Variants in BACH2 observed in about 807,000 individuals in gnomAD.
BACH2 encodes BACH transcriptional regulator 2, also known as transcription regulator protein BACH2.
In BACH2, 5 loss-of-function variants were observed where a neutral mutation model predicts 61.8. The ratio of observed to expected loss-of-function variants is 0.08; its 90% CI spans 0.04 to 0.17. The LOEUF is 0.17. BACH2 is among the 10% of genes least tolerant of loss of function. BACH2 has a pLI of 1.00. For synonymous variants in BACH2, 446 were observed against 440.1 expected (o/e 1.01, Z -0.17); for missense variants, 824 against 1,091.1 (o/e 0.76, Z 3.45).
intron 4 of BACH2, among the ~76,000 whole-genome samples, chr6:90,148,703 C>A (rs936467501): frequency 6.6e-6 from 1 of 152,142 alleles, no homozygotes; most frequent in Non-Finnish European, 1.5e-5. Context: ...CACACACACA[C>A]GCATACACGC....
At chr6:90,055,082 G>A (rs575273996) in intron 5 of BACH2, among the ~76,000 whole-genome samples, 1 of 152,322 alleles carries the variant, frequency 6.6e-6, no homozygotes, top group African/African-American at 2.4e-5. Context: ...TCCTTCAAAG[G>A]AACACAGCTC....
intron 4 of BACH2, among the ~76,000 whole-genome samples, chr6:90,121,972 A>G (rs1387254223): frequency 2.0e-5 from 3 of 152,158 alleles, no homozygotes; most frequent in Non-Finnish European, 4.4e-5. Flanking sequence ...TATTGGTAAG[A>G]CTGTTTTAAC....
chr6:90,198,672 C>G (rs964109764), intron 4 of BACH2, among the ~76,000 whole-genome samples: 4 of 152,198 alleles, frequency 2.6e-5, no homozygotes, highest in African/African-American at 9.6e-5. Context: ...AGTGGGTGCA[C>G]AGAGTCTCAG....
At position 90,065,128 on chromosome 6, in the gene BACH2, GA is replaced by G. The variant is rs540647624; in HGVS notation, c.-13+23832del. ...AACGTAAGGTAAGCAGAAACTTGGA[GA>G]AAAAAAAAAAAGCCTATACATTGAT... is the stretch of plus-strand genomic sequence containing the variant. On this transcript the variant is annotated intron_variant, in intron 5 of 8. Transcript: ENST00000257749. Among the ~76,000 whole-genome samples, 1,289 of 134,926 alleles carry G rather than the reference GA, an allele frequency of 9.6e-3. 10 individuals are homozygous for G. Among genetic ancestry groups the G allele is most frequent in the African/African-American group, 0.026 (971 of 36,818 alleles). 88.5% of individuals were successfully genotyped at this position (134,926 alleles called of 152,430 possible).
chr6:90,062,998 T>C, intron 5 of BACH2: 2 of 893,168 alleles, frequency 2.2e-6, no homozygotes, highest in Non-Finnish European at 2.7e-6. Flanking sequence ...TACAACCAGA[T>C]GTATAGGGAA....
At position 89,980,601 on chromosome 6, in the gene BACH2, G is replaced by A. The variant is rs372598508; in HGVS notation, c.243+28001C>T. 1.2e-4 allele frequency among the ~76,000 whole-genome samples: 19 copies of A among 152,302 alleles called. 1 individual carries two copies. Among genetic ancestry groups the A allele is most frequent in the African/African-American group, 4.6e-4 (19 of 41,570 alleles). On this transcript the variant is annotated intron_variant, in intron 6 of 8. Transcript: ENST00000257749. ...CTCAGTGGCCACCATCTAGAGGGAGGAGAAGGGCTAGGTGTGGTTTTTCTT... is the reference window on the plus strand; with the variant it reads ...CTCAGTGGCCACCATCTAGAGGGAGAAGAAGGGCTAGGTGTGGTTTTTCTT...
intron 6 of BACH2, among the ~76,000 whole-genome samples, chr6:89,998,328 G>A (rs1025019253): frequency 2.6e-5 from 4 of 152,066 alleles, no homozygotes; most frequent in African/African-American, 9.7e-5. Context: ...AACAGCCTTC[G>A]CCAGGCTGCA....
chr6:90,233,708 T>G (rs568086827), intron 3 of BACH2, among the ~76,000 whole-genome samples: 2 of 152,202 alleles, frequency 1.3e-5, no homozygotes, highest in African/African-American at 4.8e-5. Context: ...ATTATGTTAT[T>G]ATAATTCTTT....
chr6:90,219,583 G>A (rs1268733612), intron 3 of BACH2, among the ~76,000 whole-genome samples: 1 of 152,164 alleles, frequency 6.6e-6, no homozygotes. Flanking sequence ...CATTAAGAAT[G>A]CACAGCTGTA....
At chr6:90,150,757 TG>T (rs1784786246) in intron 4 of BACH2, among the ~76,000 whole-genome samples, 1 of 152,158 alleles carries the variant, frequency 6.6e-6, no homozygotes, top group Non-Finnish European at 1.5e-5. Flanking sequence ...GGAATGGGCA[TG>T]CCTTACTTAG....
At chr6:90,218,304 G>A (rs548587486) in intron 3 of BACH2, 1 of 152,282 alleles carries the variant, frequency 6.6e-6, no homozygotes, top group South Asian at 2.1e-4. Flanking sequence ...TTTAAACAGA[G>A]GCAAGCTGCT....
chr6:89,947,371 C>T (rs947529637), intron 7 of BACH2, among the ~76,000 whole-genome samples: 2 of 152,114 alleles, frequency 1.3e-5, no homozygotes, highest in African/African-American at 4.8e-5. Flanking sequence ...ATGGCAAGTC[C>T]CTGAGACAGT....
intron 3 of BACH2, among the ~76,000 whole-genome samples, chr6:90,230,467 G>A (rs983810996): frequency 6.6e-6 from 1 of 152,192 alleles, no homozygotes; most frequent in Non-Finnish European, 1.5e-5. Context: ...AATATAAGCT[G>A]AGCTGATGCT....
chr6:90,211,403 G>A (rs1769344617), intron 3 of BACH2, among the ~76,000 whole-genome samples: 1 of 151,974 alleles, frequency 6.6e-6, no homozygotes, highest in Admixed American at 6.6e-5. Context: ...TCAGCAAATG[G>A]GAGTTGGAGA....
chr6:90,183,605 A>C (rs1386935698), intron 4 of BACH2, among the ~76,000 whole-genome samples: 2 of 152,244 alleles, frequency 1.3e-5, no homozygotes, highest in African/African-American at 4.8e-5. Context: ...AGCATTTGGC[A>C]AATCTATTTC....
intron 4 of BACH2, among the ~76,000 whole-genome samples, chr6:90,189,775 G>C (rs1021877674): frequency 1.2e-4 from 19 of 152,180 alleles, no homozygotes; most frequent in Non-Finnish European, 1.0e-4. Context: ...TGAGCAATAG[G>C]GATCTTGCTT....
chr6:89,942,699 T>C (rs1428805389), intron 7 of BACH2, among the ~76,000 whole-genome samples: 1 of 152,108 alleles, frequency 6.6e-6, no homozygotes, highest in East Asian at 1.9e-4. Context: ...CGCCACTCTT[T>C]AGCCAGGGGT....
chr6:90,212,757 CAAG>C (rs1259772979), intron 3 of BACH2, among the ~76,000 whole-genome samples: 3 of 151,972 alleles, frequency 2.0e-5, no homozygotes, highest in Admixed American at 2.0e-4. Context: ...GAGGAGGAAA[CAAG>C]AGGATTATAA....
At chr6:90,121,990 C>T (rs1262598989) in intron 4 of BACH2, among the ~76,000 whole-genome samples, 1 of 152,202 alleles carries the variant, frequency 6.6e-6, no homozygotes, top group Non-Finnish European at 1.5e-5. Flanking sequence ...AACTGCAGTT[C>T]AATGAATATG....
Sources: gnomAD v4.1 joint callset for allele counts (sites outside exome capture counted in the v4.1 genomes callset) on GRCh38, gnomAD v4.1.1 for gene constraint, MANE v1.5 for transcripts, NCBI Gene and HGNC (gene_info 2026-07-23, HGNC 2026-07-21) for gene names.